Variants in MGAT5B observed in about 807,000 individuals in gnomAD.
MGAT5B encodes alpha-1,6-mannosylglycoprotein 6-beta-N-acetylglucosaminyltransferase B, also known as N-acetylglucosaminyl-transferase Vb.
Under a neutral mutation model 95.1 loss-of-function variants are expected in MGAT5B, and 54 were observed. The ratio of observed to expected loss-of-function variants is 0.57; its 90% CI spans 0.46 to 0.71. MGAT5B has a LOEUF of 0.71. Ranked by LOEUF, MGAT5B falls within the 30% of genes least tolerant of loss-of-function variation. MGAT5B has a pLI of 0.00. For synonymous variants in MGAT5B, 464 were observed against 451.0 expected (o/e 1.03, Z -0.36); for missense variants, 935 against 1,088.6 (o/e 0.86, Z 1.99).
At chr17:76,900,910 TGC>T (rs766584238) in intron 3 of MGAT5B, among the ~76,000 whole-genome samples, 1 of 113,282 alleles carries the variant, frequency 8.8e-6, no homozygotes, top group South Asian at 2.6e-4. Flanking sequence ...TGTGTGTGTG[TGC>T]GTGTGTACAT....
chr17:76,943,390 C>T (rs1429774279), intron 15 of MGAT5B, among the ~76,000 whole-genome samples: 1 of 151,986 alleles, frequency 6.6e-6, no homozygotes, highest in East Asian at 1.9e-4. Flanking sequence ...CGCATAACAG[C>T]TCACCCCCTC....
chr17:76,904,976 G>T (rs1371124060), intron 6 of MGAT5B, among the ~76,000 whole-genome samples, 193 bp from the exon 7 acceptor site: 1 of 152,338 alleles, frequency 6.6e-6, no homozygotes, highest in Non-Finnish European at 1.5e-5. Flanking sequence ...TTAGAGCTGG[G>T]CTGGGGAGGG....
chr17:76,907,055 CTTT>C (rs111711663), intron 8 of MGAT5B, among the ~76,000 whole-genome samples: 3 of 141,150 alleles, frequency 2.1e-5, no homozygotes, highest in Admixed American at 7.1e-5. Context: ...TATTCCTTTG[CTTT>C]TTTTTTTTTT....
chr17:76,946,888 A>T (rs560085212), intron 16 of MGAT5B, among the ~76,000 whole-genome samples: 13 of 152,344 alleles, frequency 8.5e-5, no homozygotes, highest in African/African-American at 2.9e-4. Context: ...GGACAGCCCC[A>T]CGGTTTCAAA....
rs149425658 is a variant in MGAT5B at position 76,916,039 on chromosome 17, C to T, written c.1026-8927C>T. On this transcript the variant is annotated intron_variant, in intron 8 of 17. Coordinates refer to ENST00000569840, the MANE Select transcript of MGAT5B (RefSeq NM_001199172.2). This position sits in a 1 kb window ranked among gnomAD's most constrained non-coding sequence, Gnocchi z 5.3. ...CGGCATGCCGAGTGTGGCGGGGTCA[C>T]GTTGAGTGCCGCCAAATGTCGTGGG... Among the ~76,000 whole-genome samples the T allele has an allele frequency of 3.7e-3, 562 of 152,300 alleles. 3 individuals carry two copies. The highest frequency in any genetic ancestry group is 0.013 in the African/African-American group (535 of 41,572).
intron 2 of MGAT5B, among the ~76,000 whole-genome samples, chr17:76,876,319 T>G (rs546801154): frequency 6.6e-6 from 1 of 152,196 alleles, no homozygotes; most frequent in South Asian, 2.1e-4. Flanking sequence ...GAATCAGGCC[T>G]GGGGAGGGAT....
intron 15 of MGAT5B, 181 bp from the exon 16 acceptor site, chr17:76,946,195 G>C (rs907190476): frequency 4.0e-5 from 22 of 544,270 alleles, no homozygotes; most frequent in Admixed American, 1.0e-4. Context: ...CTACTGGAGG[G>C]TGTGCGGGGA....
intron 4 of MGAT5B, among the ~76,000 whole-genome samples, chr17:76,903,093 C>T (rs1330414481): frequency 1.3e-5 from 2 of 152,164 alleles, no homozygotes. Context: ...TGGCTGTTCG[C>T]ACCAGCTCCT....
intron 3 of MGAT5B, 136 bp from the exon 4 acceptor site, chr17:76,902,419 C>T (rs1159629962): frequency 1.6e-6 from 1 of 619,580 alleles, no homozygotes; most frequent in African/African-American, 1.8e-5. Context: ...ACCATTTGGT[C>T]TGCTTGGGGT....
chr17:76,949,190 C>T lies in MGAT5B; in HGVS notation c.*352C>T. On this transcript the variant is annotated 3_prime_UTR_variant, in exon 18 of 18. Coordinates refer to ENST00000569840, the MANE Select transcript of MGAT5B (RefSeq NM_001199172.2). ...GATCTGGGCCAGGTGGCGAAAGGGG[C>T]CCAGTCGTTCTTGGGCCCAGGATGG... 1 of 273,678 alleles carries T rather than the reference C, an allele frequency of 3.7e-6. No individual in the cohort carries two copies. The highest frequency in any genetic ancestry group is 7.0e-6 in the Non-Finnish European group (1 of 143,422). The allele number at this position is 273,678 out of a possible 1,614,324, so 17.0% of individuals were successfully genotyped here. A position where few individuals can be genotyped will look rare whatever the true frequency, so the allele number is the denominator to read the frequency against.
intron 10 of MGAT5B, among the ~76,000 whole-genome samples, chr17:76,932,081 CTCCT>C (rs1236062710): frequency 2.6e-5 from 2 of 77,272 alleles, no homozygotes; most frequent in African/African-American, 1.1e-4. Context: ...CCTCCTCCTC[CTCCT>C]CCCCCCCCCC....
chr17:76,903,333 C>G lies in MGAT5B; in HGVS notation c.476C>G (p.Ala159Gly), dbSNP rs756058919. 5 of 1,610,646 alleles carry G rather than the reference C, an allele frequency of 3.1e-6. No individual in the cohort carries two copies. The highest frequency in any genetic ancestry group is 4.2e-6 in the Non-Finnish European group (5 of 1,178,412). The change falls in exon 5 of 18, where the codon GCA becomes GGA. Residue 159 changes from alanine (A) to glycine (G), a missense_variant. Around this residue, in one of 4 missense-constraint regions of MGAT5B, gnomAD observed 243 missense variants for 228.2 expected, o/e 1.06. Transcript: ENST00000569840. ...VSEGRRDQCE[A>G]PSDPKFPDCS... Reference sequence around the variant, plus strand: ...GAAGGCCGGCGGGACCAGTGTGAGGCACCCAGTGACCCCAAGTTCCCTGAC... The same window carrying G: ...GAAGGCCGGCGGGACCAGTGTGAGGGACCCAGTGACCCCAAGTTCCCTGAC...
In MGAT5B at chr17:76,869,087, A is replaced by G; in HGVS notation, c.58A>G (p.Arg20Gly). 6.2e-7 allele frequency: 1 copy of G among 1,614,054 alleles called. No individual in the cohort carries two copies. The highest frequency in any genetic ancestry group is 1.6e-4 in the Middle Eastern group (1 of 6,062). ...IMVRRCLVTL[R>G]PFRLFVLGIG... ...GGTCAGAAGATGCCTGGTCACCCTG[A>G]GACCCTTTCGGTAAAGTTCCCTCCT... is the stretch of plus-strand genomic sequence containing the variant. The change falls in exon 1 of 18, where the codon AGA becomes GGA. Residue 20 changes from arginine (R) to glycine (G), a missense_variant. Coordinates refer to ENST00000569840, the MANE Select transcript of MGAT5B (RefSeq NM_001199172.2). The surrounding 1 kb of genome is among the most constrained non-coding windows in gnomAD (Gnocchi z 7.0).
chr17:76,902,762 G>A (rs1968364043), intron 4 of MGAT5B, 92 bp downstream of exon 4: 2 of 971,044 alleles, frequency 2.1e-6, no homozygotes, highest in Admixed American at 4.6e-5. Context: ...CACTTGGGGT[G>A]TGGCCGACTT....
At chr17:76,874,956 CAT>C (rs1491345410) in intron 2 of MGAT5B, among the ~76,000 whole-genome samples, 1 of 152,040 alleles carries the variant, frequency 6.6e-6, no homozygotes, top group Non-Finnish European at 1.5e-5. Context: ...CATGTGTGTG[CAT>C]GTGTGTGTGC....
At chr17:76,939,488 T>C (rs1321438794) in intron 13 of MGAT5B, among the ~76,000 whole-genome samples, 1 of 149,210 alleles carries the variant, frequency 6.7e-6, no homozygotes, top group East Asian at 2.0e-4. Context: ...CACTCCAGCC[T>C]GGTGACAGAG....
intron 3 of MGAT5B, among the ~76,000 whole-genome samples, chr17:76,882,705 C>CTTTT (rs763528809): frequency 1.6e-4 from 11 of 70,164 alleles, no homozygotes; most frequent in South Asian, 5.5e-4. Flanking sequence ...TCCACTGCCC[C>CTTTT]TTTTTTTTTT....
Position 76,938,454 on chromosome 17 carries a change from C to T in MGAT5B, c.1584+311C>T, listed in dbSNP as rs9905472. Among the ~76,000 whole-genome samples, 12,950 of 152,262 alleles carry T rather than the reference C, an allele frequency of 0.085. 675 individuals are homozygous for T. The highest frequency in any genetic ancestry group is 0.15 in the Middle Eastern group (44 of 294). ...CAGTACCAGTCCAGCCAAATGGACT[C>T]CTGGGTCAGGCCTAGCTTTTGGAGA... On this transcript the variant is annotated intron_variant, in intron 13 of 17. Coordinates refer to ENST00000569840, the MANE Select transcript of MGAT5B (RefSeq NM_001199172.2). The surrounding 1 kb of genome is among the most constrained non-coding windows in gnomAD (Gnocchi z 4.3).
rs946289476 is a variant in MGAT5B, at chr17:76,882,459, C to T, written c.329+161C>T. On this transcript the variant is annotated intron_variant, in intron 3 of 17. Coordinates refer to ENST00000569840, the MANE Select transcript of MGAT5B (RefSeq NM_001199172.2). The stretch of plus-strand genomic sequence containing the variant: ...ATTTCTACCACCCAAATTTAACAAC[C>T]GTTAACATTTGGTCACATTTGTGGC... The T allele has an allele frequency of 7.1e-5, 57 of 804,682 alleles. 1 individual carries two copies. Among genetic ancestry groups the T allele is most frequent in the South Asian group, 6.0e-4 (21 of 34,976 alleles). The allele number at this position is 804,682 out of a possible 1,614,324, so 49.8% of individuals were successfully genotyped here. A position where few individuals can be genotyped will look rare whatever the true frequency, so the allele number is the denominator to read the frequency against.
Sources: gnomAD v4.1 joint callset for allele counts (sites outside exome capture counted in the v4.1 genomes callset) on GRCh38, gnomAD v4.1.1 for gene constraint, gnomAD v4.1.1 regional missense constraint, Gnocchi (gnomAD v3.1) non-coding constraint, MANE v1.5 for transcripts, NCBI Gene and HGNC (gene_info 2026-07-23, HGNC 2026-07-21) for gene names.